The following ENPP1 variants were observed in gnomAD, a reference collection of about 807,000 sequenced individuals.
The protein encoded by ENPP1 is ectonucleotide pyrophosphatase/phosphodiesterase 1, also known as ectonucleotide pyrophosphatase/phosphodiesterase family member 1.
ENPP1 carries 73 observed loss-of-function variants against 122.8 expected under a neutral mutation model. The ratio of observed to expected loss-of-function variants is 0.59; its 90% CI spans 0.49 to 0.72. The LOEUF (loss-of-function observed/expected upper bound fraction) is 0.72, where lower values mean the gene tolerates loss of function less well. Ranked by LOEUF, ENPP1 falls within the 30% of genes least tolerant of loss-of-function variation. The probability of loss-of-function intolerance (pLI) is 0.00; values close to 1 mark genes in which losing one functional copy is unlikely to be tolerated. For synonymous variants in ENPP1, 367 were observed against 391.6 expected (o/e 0.94, Z 0.74); for missense variants, 978 against 1,128.1 (o/e 0.87, Z 1.91).
At chr6:131,827,982 G>A (rs1781565913) in intron 1 of ENPP1, 1 of 730,528 alleles carries the variant, frequency 1.4e-6, no homozygotes, top group Non-Finnish European at 2.5e-6. Flanking sequence ...GCTTGGAGCT[G>A]GTACCTGGGG....
At chr6:131,815,005 G>A (rs944317711) in intron 1 of ENPP1, among the ~76,000 whole-genome samples, 4 of 152,164 alleles carry the variant, frequency 2.6e-5, no homozygotes, top group Middle Eastern at 3.2e-3. Context: ...CACAAGCAGG[G>A]ACCCATAGGG....
intron 2 of ENPP1, among the ~76,000 whole-genome samples, chr6:131,848,495 G>A (rs1392231838): frequency 2.0e-5 from 3 of 151,902 alleles, no homozygotes; most frequent in Non-Finnish European, 4.4e-5. Flanking sequence ...TCTTCTGTTT[G>A]GCTATTCTGT....
chr6:131,859,547 G>A (rs887081725), intron 7 of ENPP1, among the ~76,000 whole-genome samples: 7 of 151,446 alleles, frequency 4.6e-5, no homozygotes, highest in Non-Finnish European at 7.4e-5. Flanking sequence ...CACCACGCCC[G>A]GCTAATTTTT....
Position 131,868,145 on chromosome 6 carries a change from A to G in ENPP1, c.1273+19A>G. ...GATCATGGTAATCTGAATTTGCATT[A>G]TTTACTCTTCAGGATAAAGGGCTGA... On this transcript the variant is annotated intron_variant, in intron 12 of 24. Coordinates refer to ENST00000647893, the MANE Select transcript of ENPP1 (RefSeq NM_006208.3). 1 of 1,548,560 alleles carries G rather than the reference A, an allele frequency of 6.5e-7. No individual in the cohort carries two copies. The highest frequency in any genetic ancestry group is 8.9e-7 in the Non-Finnish European group (1 of 1,120,706).
At chr6:131,879,129 A>T (rs184362601) in intron 19 of ENPP1, among the ~76,000 whole-genome samples, 20 of 152,240 alleles carry the variant, frequency 1.3e-4, no homozygotes, top group Admixed American at 1.1e-3. Flanking sequence ...TTTCTACTAG[A>T]ATAAAGAGGT....
Position 131,890,688 on chromosome 6 carries a change from C to A in ENPP1, c.*177C>A. On this transcript the variant is annotated 3_prime_UTR_variant, in exon 25 of 25. Coordinates refer to ENST00000647893, the MANE Select transcript of ENPP1 (RefSeq NM_006208.3). ...ACTCAGCACAGCAGTGGAGAGTGTT[C>A]CTGTTGAATCTTGCACATATTTGAA... is the stretch of plus-strand genomic sequence containing the variant. 1 of 632,634 alleles carries A rather than the reference C, an allele frequency of 1.6e-6. No individual in the cohort carries two copies. The allele number at this position is 632,634 out of a possible 1,614,324, so 39.2% of individuals were successfully genotyped here. A position where few individuals can be genotyped will look rare whatever the true frequency, so the allele number is the denominator to read the frequency against.
At chr6:131,846,346 C>G (rs1314166822) in intron 1 of ENPP1, among the ~76,000 whole-genome samples, 3 of 152,152 alleles carry the variant, frequency 2.0e-5, no homozygotes, top group African/African-American at 7.2e-5. Context: ...CTAAGATAGG[C>G]TGTTCATTAT....
At chr6:131,867,856 G>A (rs1207095091) in intron 11 of ENPP1, among the ~76,000 whole-genome samples, 162 bp from the exon 12 acceptor site, 1 of 151,244 alleles carries the variant, frequency 6.6e-6, no homozygotes, top group African/African-American at 2.4e-5. Flanking sequence ...ATGTGAATCA[G>A]CTCATTGTAG....
At chr6:131,843,438 C>A (rs1781766670) in intron 1 of ENPP1, among the ~76,000 whole-genome samples, 1 of 152,238 alleles carries the variant, frequency 6.6e-6, no homozygotes, top group South Asian at 2.1e-4. Context: ...GGATAAAGAG[C>A]TATATATAAA....
chr6:131,886,393 G>T (rs1782377474), intron 23 of ENPP1, among the ~76,000 whole-genome samples, 169 bp from the exon 24 acceptor site: 1 of 152,140 alleles, frequency 6.6e-6, no homozygotes, highest in Admixed American at 6.5e-5. Flanking sequence ...TCTAATTATT[G>T]CTCTCAATCT....
intron 18 of ENPP1, chr6:131,877,576 G>T: frequency 5.6e-6 from 1 of 179,690 alleles, no homozygotes; most frequent in Admixed American, 5.6e-5. Context: ...TTTAAATGTA[G>T]GGAGAAAAAA....
intron 3 of ENPP1, 109 bp downstream of exon 3, chr6:131,850,215 A>G (rs1207986482): frequency 3.6e-6 from 3 of 826,468 alleles, no homozygotes; most frequent in African/African-American, 3.4e-5. Context: ...AATTTTTTTT[A>G]GTTTAGCATA....
chr6:131,814,490 C>G, intron 1 of ENPP1, among the ~76,000 whole-genome samples: 1 of 152,144 alleles, frequency 6.6e-6, no homozygotes, highest in Non-Finnish European at 1.5e-5. Flanking sequence ...AGCATAGATT[C>G]AAGTTGCCCT....
intron 23 of ENPP1, 103 bp from the exon 24 acceptor site, chr6:131,886,459 T>G (rs1782378206): frequency 1.4e-5 from 12 of 856,430 alleles, no homozygotes; most frequent in Non-Finnish European, 2.1e-5. Flanking sequence ...ATTATTTGTT[T>G]GAATTTGATT....
Position 131,894,928 on chromosome 6 carries a change from C to G in ENPP1, c.*4417C>G, listed in dbSNP as rs1385318473. 6.6e-6 allele frequency: 1 copy of G among 152,232 alleles called. No individual in the cohort carries two copies. The highest frequency in any genetic ancestry group is 2.4e-5 in the African/African-American group (1 of 41,456). The allele number at this position is 152,232 out of a possible 1,614,324, so 9.4% of individuals were successfully genotyped here. On this transcript the variant is annotated 3_prime_UTR_variant, in exon 25 of 25. Coordinates refer to ENST00000647893, the MANE Select transcript of ENPP1 (RefSeq NM_006208.3). The stretch of plus-strand genomic sequence containing the variant: ...GGTGTTTACCCATCATAGGAATGGG[C>G]ATTTGAACTTTGAAACTGAATGTGG...
chr6:131,813,690 G>GT (rs1384395142), intron 1 of ENPP1, among the ~76,000 whole-genome samples: 2 of 152,062 alleles, frequency 1.3e-5, no homozygotes, highest in African/African-American at 4.8e-5. Context: ...TATTTCTATT[G>GT]TAACATTAAT....
intron 1 of ENPP1, among the ~76,000 whole-genome samples, chr6:131,810,461 A>G (rs766592): frequency 0.74 from 87,764 of 118,822 alleles, 30,146 homozygotes; most frequent in African/African-American, 0.85. Context: ...CCCCCCCCAA[A>G]AACTTCCCCA....
chr6:131,832,108 A>C (rs1402655340), intron 1 of ENPP1, among the ~76,000 whole-genome samples: 1 of 150,718 alleles, frequency 6.6e-6, no homozygotes, highest in East Asian at 1.9e-4. Flanking sequence ...TGTGTTTGTA[A>C]GTGTTTAGCA....
intron 20 of ENPP1, among the ~76,000 whole-genome samples, chr6:131,881,429 T>C (rs188476775): frequency 1.7e-3 from 257 of 152,290 alleles, no homozygotes; most frequent in Non-Finnish European, 2.8e-3. Flanking sequence ...ATTTTCAGTT[T>C]TCTTATGTAA....
Sources: allele counts gnomAD v4.1 joint callset (sites outside exome capture counted in the v4.1 genomes callset), GRCh38; gene constraint gnomAD v4.1.1; transcripts MANE v1.5; gene names NCBI Gene and HGNC (gene_info 2026-07-23, HGNC 2026-07-21).